The following CCSER1 variants were observed in gnomAD, a reference collection of about 807,000 sequenced individuals.
CCSER1 encodes the protein coiled-coil serine rich protein 1, also known as serine-rich coiled-coil domain-containing protein 1.
CCSER1 carries 41 observed loss-of-function variants against 82.0 expected under a neutral mutation model. The ratio of observed to expected loss-of-function variants is 0.50; its 90% confidence interval spans 0.39 to 0.65. CCSER1 has a LOEUF of 0.65. Ranked by LOEUF, CCSER1 falls within the 30% of genes least tolerant of loss-of-function variation. The probability of loss-of-function intolerance (pLI) is 0.00; values close to 1 mark genes in which losing one functional copy is unlikely to be tolerated. For synonymous variants in CCSER1, 414 were observed against 383.9 expected, an observed-to-expected ratio of 1.08 and a Z score of -0.92; for missense variants, 1,119 against 1,064.2, an observed-to-expected ratio of 1.05 and a Z score of -0.72.
intron 4 of CCSER1, among the ~76,000 whole-genome samples, chr4:90,438,260 CT>C (rs937590263): frequency 6.6e-6 from 1 of 152,000 alleles, no homozygotes; most frequent in African/African-American, 2.4e-5. Context: ...GATAGCAATG[CT>C]TTTGGGGCAA....
chr4:91,087,489 G>A (rs1241055754), intron 10 of CCSER1, among the ~76,000 whole-genome samples: 2 of 151,740 alleles, frequency 1.3e-5, no homozygotes, highest in Non-Finnish European at 2.9e-5. Context: ...TTTATTATAA[G>A]TGTACTTATA....
At chr4:90,261,425 A>G (rs542983838) in intron 1 of CCSER1, among the ~76,000 whole-genome samples, 16 of 152,202 alleles carry the variant, frequency 1.1e-4, no homozygotes, top group African/African-American at 3.9e-4. Flanking sequence ...AAAGATAGGA[A>G]CTCAGTTCCT....
intron 1 of CCSER1, among the ~76,000 whole-genome samples, chr4:90,299,771 A>G (rs536809893): frequency 6.6e-6 from 1 of 152,292 alleles, no homozygotes; most frequent in South Asian, 2.1e-4. Flanking sequence ...AAGAGCCTGG[A>G]CTGCAAGAAT....
At chr4:90,354,120 AAAG>A (rs1327825981) in intron 3 of CCSER1, among the ~76,000 whole-genome samples, 5 of 152,206 alleles carry the variant, frequency 3.3e-5, no homozygotes, top group Non-Finnish European at 7.4e-5. Context: ...TAGTAATAAA[AAAG>A]AAGGAATTCT....
At chr4:90,385,149 A>AT (rs1749822862) in intron 3 of CCSER1, among the ~76,000 whole-genome samples, 2 of 152,158 alleles carry the variant, frequency 1.3e-5, no homozygotes, top group South Asian at 4.1e-4. Flanking sequence ...ACTTAGATTC[A>AT]TTCCATATCT....
At chr4:90,172,815 G>A (rs1293205333) in intron 1 of CCSER1, among the ~76,000 whole-genome samples, 1 of 151,860 alleles carries the variant, frequency 6.6e-6, no homozygotes, top group East Asian at 1.9e-4. Flanking sequence ...ACCTAGGATT[G>A]AAACAATATG....
chr4:91,329,634 G>A (rs959193509), intron 10 of CCSER1, among the ~76,000 whole-genome samples: 1 of 152,064 alleles, frequency 6.6e-6, no homozygotes, highest in African/African-American at 2.4e-5. Context: ...TTGACAGATG[G>A]CTATGTTCTT....
intron 1 of CCSER1, among the ~76,000 whole-genome samples, chr4:90,200,011 C>T (rs918988937): frequency 2.0e-5 from 3 of 151,620 alleles, no homozygotes; most frequent in African/African-American, 4.8e-5. Flanking sequence ...AACATTTCCT[C>T]GATCCCCTAC....
In CCSER1 at chr4:90,171,545, G is replaced by A. The variant is rs533624923; in HGVS notation, c.-42+43714G>A. 1.7e-4 allele frequency among the ~76,000 whole-genome samples: 26 copies of A among 151,954 alleles called. 1 individual carries two copies. In the South Asian group the frequency reaches 5.4e-3, roughly 31 times the overall value. ...AGTGTAACTTCCAAATAATAAAGATGTTTTAAGTTAAAAACACTTTAGAAG... is the reference window on the plus strand; with the variant it reads ...AGTGTAACTTCCAAATAATAAAGATATTTTAAGTTAAAAACACTTTAGAAG... On this transcript the variant is annotated intron_variant, in intron 1 of 10. Coordinates refer to ENST00000509176, the MANE Select transcript of CCSER1 (RefSeq NM_001145065.2).
At chr4:90,563,549 G>A (rs1779029529) in intron 5 of CCSER1, among the ~76,000 whole-genome samples, 1 of 152,012 alleles carries the variant, frequency 6.6e-6, no homozygotes, top group African/African-American at 2.4e-5. Flanking sequence ...TTATCTTTCT[G>A]TGCCTGACTC....
intron 5 of CCSER1, among the ~76,000 whole-genome samples, chr4:90,606,091 G>T (rs749650770): frequency 6.6e-6 from 1 of 152,108 alleles, no homozygotes; most frequent in South Asian, 2.1e-4. Flanking sequence ...CATTTTGGAT[G>T]AATGTAGAAT....
At chr4:90,215,068 A>G (rs1157841274) in intron 1 of CCSER1, among the ~76,000 whole-genome samples, 3 of 152,164 alleles carry the variant, frequency 2.0e-5, no homozygotes, top group East Asian at 1.9e-4. Flanking sequence ...TTTGAGTGCT[A>G]TATTTTTCTC....
intron 1 of CCSER1, among the ~76,000 whole-genome samples, chr4:90,151,915 T>C (rs931777226): frequency 1.3e-5 from 2 of 152,144 alleles, no homozygotes; most frequent in Non-Finnish European, 2.9e-5. Flanking sequence ...TAGATGCTAA[T>C]GCATTAAATA....
chr4:91,223,903 T>A (rs1184385626), intron 10 of CCSER1, among the ~76,000 whole-genome samples: 3 of 152,168 alleles, frequency 2.0e-5, no homozygotes, highest in Non-Finnish European at 4.4e-5. Context: ...ACTTTGTCTA[T>A]GCAATGAAGT....
intron 10 of CCSER1, among the ~76,000 whole-genome samples, chr4:91,186,033 G>A (rs1734499921): frequency 6.6e-6 from 1 of 152,138 alleles, no homozygotes; most frequent in Non-Finnish European, 1.5e-5. Flanking sequence ...GAACTGCCAA[G>A]CCTCTAAATC....
chr4:90,893,794 G>T (rs955176583), intron 8 of CCSER1, among the ~76,000 whole-genome samples: 33 of 128,922 alleles, frequency 2.6e-4, no homozygotes, highest in Admixed American at 1.1e-3. Context: ...TGTGTGTGTG[G>T]GGGGTGAATT....
chr4:91,089,437 GAATATAAAAC>G (rs1190931062), intron 10 of CCSER1, among the ~76,000 whole-genome samples: 13 of 152,250 alleles, frequency 8.5e-5, no homozygotes, highest in East Asian at 5.8e-4. Context: ...AGCAGGTACT[GAATATAAAAC>G]AATATAAAAC....
intron 6 of CCSER1, among the ~76,000 whole-genome samples, chr4:90,672,085 G>A (rs1453166615): frequency 2.6e-5 from 4 of 151,986 alleles, no homozygotes; most frequent in African/African-American, 7.2e-5. Context: ...TTGAGCATGG[G>A]CAGAGTAGAT....
rs1258455787 is a variant in CCSER1, at chr4:91,038,360, T to TAA, written c.2173-47589_2173-47588dup. On this transcript the variant is annotated intron_variant, in intron 9 of 10. Transcript: ENST00000509176. ...AAAGTGCTTGAAAAAAATATATAAT[T>TAA]AAGTGAGGGGTTCAAAACCCTAGCT... Among the ~76,000 whole-genome samples the TAA allele has an allele frequency of 7.2e-5, 11 of 152,194 alleles. No individual in the cohort carries two copies. The East Asian group carries it at 1.9e-3, about 27-fold the overall frequency.
Sources: gnomAD v4.1 joint callset for allele counts (sites outside exome capture counted in the v4.1 genomes callset) on GRCh38, gnomAD v4.1.1 for gene constraint, MANE v1.5 for transcripts, NCBI Gene and HGNC (gene_info 2026-07-23, HGNC 2026-07-21) for gene names.